The following NTS variants were observed in gnomAD, a reference collection of about 807,000 sequenced individuals.
NTS encodes neurotensin.
A neutral mutation model predicts 19.5 loss-of-function variants in NTS; 20 were observed. The ratio of observed to expected loss-of-function variants is 1.02; its 90% CI spans 0.72 to 1.49. The LOEUF is 1.49. NTS is among the 40% of genes most tolerant of loss of function. The pLI, the probability that NTS is intolerant of heterozygous loss-of-function variation, is 0.00. For synonymous variants in NTS, 71 were observed against 63.3 expected, an observed-to-expected ratio of 1.12 and a Z score of -0.58; for missense variants, 215 against 193.1, an observed-to-expected ratio of 1.11 and a Z score of -0.67.
Position 85,874,349 on chromosome 12 carries a change from C to A in NTS, c.-55C>A, listed in dbSNP as rs577179977. 1.4e-5 allele frequency: 17 copies of A among 1,240,700 alleles called. No individual in the cohort carries two copies. The highest frequency in any genetic ancestry group is 8.4e-5 in the South Asian group (7 of 83,512). 76.9% of individuals were successfully genotyped at this position (1,240,700 alleles called of 1,614,324 possible). A position where few individuals can be genotyped will look rare whatever the true frequency, so the allele number is the denominator to read the frequency against. On this transcript the variant is annotated 5_prime_UTR_variant, in exon 1 of 4. Transcript: ENST00000256010. ...AGGAAAGAGGAAGTGCTAGAGAGAGCCCCCTTCAGTGTGCTTCTGACTTTT... is the reference window on the plus strand; with the variant it reads ...AGGAAAGAGGAAGTGCTAGAGAGAGACCCCTTCAGTGTGCTTCTGACTTTT...
In NTS at chr12:85,876,707, TTTTTC is replaced by T; in HGVS notation, c.135+15_135+19del. ...CCAATATGCATACATCAAAGGTAAC[TTTTTC>T]TTTTCTTTAACCCTGAGTTGAAGAA... On this transcript the variant is annotated splice_region_variant and intron_variant, in intron 2 of 3. Transcript: ENST00000256010. 1 of 1,529,302 alleles carries T rather than the reference TTTTTC, an allele frequency of 6.5e-7. No homozygotes were observed. Among genetic ancestry groups the T allele is most frequent in the South Asian group, 1.2e-5 (1 of 81,358 alleles). 94.7% of individuals were successfully genotyped at this position (1,529,302 alleles called of 1,614,324 possible).
intron 2 of NTS, among the ~76,000 whole-genome samples, chr12:85,877,626 A>T (rs1881376490): frequency 6.6e-6 from 1 of 151,974 alleles, no homozygotes; most frequent in Non-Finnish European, 1.5e-5. Context: ...CCTAGCATGC[A>T]TTAGCCCTTC....
chr12:85,879,257 A>T (rs1408360679), intron 3 of NTS, among the ~76,000 whole-genome samples: 2 of 4 alleles, frequency 0.5, 1 homozygote, highest in Non-Finnish European at 0.5. Flanking sequence ...ATTATACATA[A>T]TTTTATGTAT....
chr12:85,879,545 T>TA (rs1881446112), intron 3 of NTS, among the ~76,000 whole-genome samples: 1 of 29,790 alleles, frequency 3.4e-5, no homozygotes, highest in Admixed American at 3.4e-4. Flanking sequence ...AATATATTTT[T>TA]TGTATATTTT....
chr12:85,880,495 T>C (rs1445641694), intron 3 of NTS, among the ~76,000 whole-genome samples: 1 of 151,938 alleles, frequency 6.6e-6, no homozygotes, highest in African/African-American at 2.4e-5. Context: ...TGCGATTGAC[T>C]ACCAAAGAGC....
intron 3 of NTS, among the ~76,000 whole-genome samples, chr12:85,879,839 T>G (rs1373928640): frequency 1.4e-5 from 2 of 143,344 alleles, no homozygotes; most frequent in Non-Finnish European, 3.0e-5. Flanking sequence ...ATATAAAATA[T>G]ATTTTTATGT....
In NTS at chr12:85,877,436, CT is replaced by C. The variant is rs1254056593; in HGVS notation, c.135+738del. On this transcript the variant is annotated intron_variant, in intron 2 of 3. Transcript: ENST00000256010. ...TTTTTTTTAATTGAGCCAAATACAACTTTGTATCCTGGGCCCTATTACTCCT... is the reference window on the plus strand; with the variant it reads ...TTTTTTTTAATTGAGCCAAATACAACTTGTATCCTGGGCCCTATTACTCCT... Among the ~76,000 whole-genome samples, 6 of 143,866 alleles carry C rather than the reference CT, an allele frequency of 4.2e-5. No individual in the cohort carries two copies. In the East Asian group the frequency reaches 1.0e-3, roughly 24 times the overall value. The allele number at this position is 143,866 out of a possible 152,430, so 94.4% of individuals were successfully genotyped here.
chr12:85,875,071 G>T (rs1416715213), intron 1 of NTS, among the ~76,000 whole-genome samples: 3 of 152,094 alleles, frequency 2.0e-5, no homozygotes, highest in African/African-American at 7.2e-5. Flanking sequence ...TAATAAGTGT[G>T]CTATTAATAT....
rs1026244069 is a variant in NTS, at chr12:85,874,376, C to T, written c.-28C>T. The T allele has an allele frequency of 4.4e-6, 7 of 1,579,576 alleles. No homozygotes were observed. Among genetic ancestry groups the T allele is most frequent in the South Asian group, 4.4e-5 (4 of 90,360 alleles). On this transcript the variant is annotated 5_prime_UTR_variant, in exon 1 of 4. The change creates a new upstream start codon in the 5' untranslated region. Coordinates refer to ENST00000256010, the MANE Select transcript of NTS (RefSeq NM_006183.5). ...CCCTTCAGTGTGCTTCTGACTTTTA[C>T]GGACTTGGCTTGTTAGAAGGCTGAA...
rs745740082 is a variant in NTS, at chr12:85,882,246, T to C, written c.384T>C (p.Asp128=). The C allele has an allele frequency of 2.2e-5, 35 of 1,600,168 alleles. No homozygotes were observed. The East Asian group carries it at 7.8e-4, about 36-fold the overall frequency. The change falls in exon 4 of 4, where the codon GAT becomes GAC. Residue 128 remains aspartate (D), a synonymous_variant. Coordinates refer to ENST00000256010, the MANE Select transcript of NTS (RefSeq NM_006183.5). Reference sequence around the variant, plus strand: ...AGTTAATCCAGGAAGATATTCTTGATACTGGAAATGACAAAAATGGAAAGG... The same window carrying C: ...AGTTAATCCAGGAAGATATTCTTGACACTGGAAATGACAAAAATGGAAAGG... ...HWELIQEDIL[D]TGNDKNGKEE...
chr12:85,879,922 A>G lies in NTS; in HGVS notation c.360+1353A>G, dbSNP rs1233238683. Reference sequence around the variant, plus strand: ...TATTTTATGTATATAAAAATATAGAATAAGGATATATTAGGTTAGTGCAAA... The same window carrying G: ...TATTTTATGTATATAAAAATATAGAGTAAGGATATATTAGGTTAGTGCAAA... On this transcript the variant is annotated intron_variant, in intron 3 of 3. Coordinates refer to ENST00000256010, the MANE Select transcript of NTS (RefSeq NM_006183.5). Among the ~76,000 whole-genome samples the G allele has an allele frequency of 2.7e-5, 4 of 147,956 alleles. No homozygotes were observed. The South Asian group carries it at 8.4e-4, about 31-fold the overall frequency.
intron 3 of NTS, 45 bp from the exon 4 acceptor site, chr12:85,882,176 AAG>A (rs1237034115): frequency 3.5e-6 from 5 of 1,433,674 alleles, no homozygotes; most frequent in Non-Finnish European, 4.8e-6. Context: ...TCTGAAACAA[AAG>A]AGTTTATTCA....
chr12:85,882,185 T>C (rs776841658), intron 3 of NTS, 38 bp from the exon 4 acceptor site: 1 of 1,480,802 alleles, frequency 6.8e-7, no homozygotes, highest in East Asian at 2.3e-5. Context: ...AAAGAGTTTA[T>C]TCATGTAAGT....
chr12:85,881,965 A>G (rs10863088), intron 3 of NTS, among the ~76,000 whole-genome samples: 1 of 151,714 alleles, frequency 6.6e-6, no homozygotes, highest in African/African-American at 2.4e-5. Flanking sequence ...AAGTTTATAG[A>G]AATTTTTTAA....
At chr12:85,879,269 T>TATA (rs1472305512) in intron 3 of NTS, among the ~76,000 whole-genome samples, 3 of 50,896 alleles carry the variant, frequency 5.9e-5, no homozygotes, top group Non-Finnish European at 1.1e-4. Context: ...TTTATGTATA[T>TATA]TTTATGTATA....
chr12:85,879,253 C>CGTAAA (rs1565770736), intron 3 of NTS, among the ~76,000 whole-genome samples: 4 of 34 alleles, frequency 0.12, 2 homozygotes, highest in Admixed American at 0.5. Flanking sequence ...ATATATTATA[C>CGTAAA]ATAATTTTAT....
Position 85,874,376 on chromosome 12 carries a change from C to G in NTS, c.-28C>G. The stretch of plus-strand genomic sequence containing the variant: ...CCCTTCAGTGTGCTTCTGACTTTTA[C>G]GGACTTGGCTTGTTAGAAGGCTGAA... On this transcript the variant is annotated 5_prime_UTR_variant, in exon 1 of 4. Coordinates refer to ENST00000256010, the MANE Select transcript of NTS (RefSeq NM_006183.5). The G allele has an allele frequency of 6.3e-7, 1 of 1,579,578 alleles. No individual in the cohort carries two copies. The highest frequency in any genetic ancestry group is 8.7e-7 in the Non-Finnish European group (1 of 1,148,732).
chr12:85,874,572 T>C (rs1881288509), intron 1 of NTS, 96 bp downstream of exon 1: 1 of 763,276 alleles, frequency 1.3e-6, no homozygotes, highest in African/African-American at 1.7e-5. Context: ...GGGAGAAGAG[T>C]TGCTCCCTTT....
Position 85,882,438 on chromosome 12 carries a change from A to G in NTS, c.*63A>G. The stretch of plus-strand genomic sequence containing the variant: ...TCATCCCTTAATTAAATATCAAATT[A>G]TATTTGTGTGAAAATGTGACAAACA... On this transcript the variant is annotated 3_prime_UTR_variant, in exon 4 of 4. Coordinates refer to ENST00000256010, the MANE Select transcript of NTS (RefSeq NM_006183.5). The G allele has an allele frequency of 2.4e-6, 3 of 1,272,720 alleles. No homozygotes were observed. Among genetic ancestry groups the G allele is most frequent in the Non-Finnish European group, 3.2e-6 (3 of 925,446 alleles). 78.8% of individuals were successfully genotyped at this position (1,272,720 alleles called of 1,614,324 possible). A position where few individuals can be genotyped will look rare whatever the true frequency, so the allele number is the denominator to read the frequency against.
Sources: allele counts gnomAD v4.1 joint callset (sites outside exome capture counted in the v4.1 genomes callset), GRCh38; gene constraint gnomAD v4.1.1; transcripts MANE v1.5; gene names NCBI Gene and HGNC (gene_info 2026-07-23, HGNC 2026-07-21).